Variants in CDH13 observed in about 807,000 individuals in gnomAD.
CDH13 encodes the protein cadherin-13.
Under a neutral mutation model 63.8 loss-of-function variants are expected in CDH13, and 24 were observed. That is an observed-to-expected ratio of 0.38 (90% CI 0.27 to 0.53). The LOEUF is 0.53. CDH13 is among the 20% of genes least tolerant of loss of function. CDH13 has a pLI of 0.85. For missense variants in CDH13, 1,049 were observed against 903.1 expected, an observed-to-expected ratio of 1.16 and a Z score of -2.07; for synonymous variants, 503 against 355.3, an observed-to-expected ratio of 1.42 and a Z score of -4.67.
At chr16:83,084,592 T>TA (rs1039216180) in intron 3 of CDH13, among the ~76,000 whole-genome samples, 1 of 152,200 alleles carries the variant, frequency 6.6e-6, no homozygotes, top group Non-Finnish European at 1.5e-5. Context: ...ACAGCTGATT[T>TA]AAAATAGCTT....
chr16:82,788,693 AT>A (rs2036142715), intron 1 of CDH13, among the ~76,000 whole-genome samples: 1 of 152,200 alleles, frequency 6.6e-6, no homozygotes, highest in Non-Finnish European at 1.5e-5. Flanking sequence ...AAGCCAGCAG[AT>A]CTCACAGTTA....
chr16:83,602,403 A>G lies in CDH13; in HGVS notation c.961-51A>G, dbSNP rs1291770067. On this transcript the variant is annotated intron_variant, in intron 7 of 13. Transcript: ENST00000567109. ...AACACGCCTGCCACCTTTCCAAAGC[A>G]GTAACCCAAATCTAAATGTCATATT... The G allele has an allele frequency of 4.4e-6, 7 of 1,606,576 alleles. No homozygotes were observed. In the Admixed American group the frequency reaches 1.2e-4, roughly 27 times the overall value.
intron 8 of CDH13, among the ~76,000 whole-genome samples, chr16:83,643,343 G>C (rs1389246646): frequency 1.3e-5 from 2 of 150,706 alleles, no homozygotes; most frequent in Admixed American, 6.6e-5. Context: ...ACCTGAGAGA[G>C]GACTATGTTC....
chr16:82,754,761 T>G (rs2151074578), intron 1 of CDH13, among the ~76,000 whole-genome samples: 1 of 152,368 alleles, frequency 6.6e-6, no homozygotes, highest in South Asian at 2.1e-4. Context: ...AGACTTTTGA[T>G]AATGATCTCT....
intron 1 of CDH13, among the ~76,000 whole-genome samples, chr16:82,628,165 G>A (rs1907579912): frequency 6.6e-6 from 1 of 152,350 alleles, no homozygotes; most frequent in East Asian, 1.9e-4. Context: ...CTGTGGTTTC[G>A]GAGAGCACCC....
intron 1 of CDH13, among the ~76,000 whole-genome samples, chr16:82,716,886 A>G (rs1179849976): frequency 6.6e-6 from 1 of 151,874 alleles, no homozygotes; most frequent in Non-Finnish European, 1.5e-5. Context: ...GTCCGTCGTA[A>G]GATGCACCTC....
intron 3 of CDH13, among the ~76,000 whole-genome samples, chr16:83,075,287 G>C (rs1241474829): frequency 6.6e-6 from 1 of 152,126 alleles, no homozygotes; most frequent in Admixed American, 6.5e-5. Context: ...CTTGTCTCAG[G>C]GGACCACAAA....
chr16:83,696,143 T>C (rs530234457), intron 10 of CDH13, among the ~76,000 whole-genome samples: 1 of 152,280 alleles, frequency 6.6e-6, no homozygotes, highest in Non-Finnish European at 1.5e-5. Flanking sequence ...CACTCGCTTC[T>C]GCCTCCCACA....
At chr16:83,317,690 C>T (rs186625289) in intron 5 of CDH13, among the ~76,000 whole-genome samples, 1 of 152,046 alleles carries the variant, frequency 6.6e-6, no homozygotes, top group African/African-American at 2.4e-5. Flanking sequence ...ATCCCAGATA[C>T]TTGGGAGGCT....
intron 3 of CDH13, among the ~76,000 whole-genome samples, chr16:83,037,921 C>T (rs1917008810): frequency 6.6e-6 from 1 of 152,102 alleles, no homozygotes; most frequent in Non-Finnish European, 1.5e-5. Flanking sequence ...GGACAGTTCC[C>T]ATCAATGGTA....
chr16:83,733,407 C>G (rs1412665576), intron 10 of CDH13, among the ~76,000 whole-genome samples: 1 of 152,200 alleles, frequency 6.6e-6, no homozygotes, highest in Non-Finnish European at 1.5e-5. Flanking sequence ...CGAATGCAGT[C>G]TCTATAGACG....
intron 3 of CDH13, among the ~76,000 whole-genome samples, chr16:83,037,889 G>A (rs1745752952): frequency 6.6e-6 from 1 of 152,092 alleles, no homozygotes; most frequent in African/African-American, 2.4e-5. Flanking sequence ...TTGTTCTCCT[G>A]GGCATAGCAC....
At chr16:82,648,423 C>T (rs1460346520) in intron 1 of CDH13, among the ~76,000 whole-genome samples, 1 of 152,080 alleles carries the variant, frequency 6.6e-6, no homozygotes, top group Non-Finnish European at 1.5e-5. Context: ...GGTTAGATTT[C>T]CAGCAAATGA....
At chr16:82,717,991 G>A (rs1567461936) in intron 1 of CDH13, among the ~76,000 whole-genome samples, 1 of 152,214 alleles carries the variant, frequency 6.6e-6, no homozygotes. Context: ...TTCTGTGTGT[G>A]CAGGGATGCT....
chr16:82,867,323 G>A (rs1317294953), intron 2 of CDH13, among the ~76,000 whole-genome samples: 1 of 152,114 alleles, frequency 6.6e-6, no homozygotes, highest in African/African-American at 2.4e-5. Flanking sequence ...AAATTTGCCG[G>A]TGTGTTTTCC....
Position 83,151,175 on chromosome 16 carries a change from C to A in CDH13, c.483+25674C>A, listed in dbSNP as rs868209312. 1.3e-5 allele frequency among the ~76,000 whole-genome samples: 2 copies of A among 152,168 alleles called. 1 individual carries two copies. The highest frequency in any genetic ancestry group is 2.9e-5 in the Non-Finnish European group (2 of 68,036). ...GAAAGATGAGCAAGGCACGGAATAT[C>A]CCTGTAGGAAACTCGAAGGCCCATC... is the stretch of plus-strand genomic sequence containing the variant. On this transcript the variant is annotated intron_variant, in intron 4 of 13. Transcript: ENST00000567109.
At chr16:82,956,297 C>G (rs1248197359) in intron 2 of CDH13, among the ~76,000 whole-genome samples, 1 of 152,116 alleles carries the variant, frequency 6.6e-6, no homozygotes, top group African/African-American at 2.4e-5. Context: ...CATCTTCATC[C>G]TAGATCTAAA....
intron 1 of CDH13, among the ~76,000 whole-genome samples, chr16:82,735,294 G>A (rs972253026): frequency 3.3e-5 from 5 of 152,124 alleles, no homozygotes; most frequent in African/African-American, 9.7e-5. Flanking sequence ...AATCACAAAC[G>A]TTCCAATCAC....
At chr16:83,610,130 T>G (rs903345706) in intron 8 of CDH13, among the ~76,000 whole-genome samples, 1 of 152,178 alleles carries the variant, frequency 6.6e-6, no homozygotes, top group African/African-American at 2.4e-5. Context: ...GAGGGACATT[T>G]AGGCAGTTTC....
Sources: gnomAD v4.1 joint callset for allele counts (sites outside exome capture counted in the v4.1 genomes callset) on GRCh38, gnomAD v4.1.1 for gene constraint, MANE v1.5 for transcripts, NCBI Gene and HGNC (gene_info 2026-07-23, HGNC 2026-07-21) for gene names.